Variants in IL23R observed in about 807,000 individuals in gnomAD.
IL23R encodes the protein interleukin-23 receptor.
IL23R carries 34 observed loss-of-function variants against 56.9 expected under a neutral mutation model. The ratio of observed to expected loss-of-function variants is 0.60; its 90% CI spans 0.45 to 0.80. The LOEUF (loss-of-function observed/expected upper bound fraction) is 0.80. IL23R is among the 30% of genes least tolerant of loss of function. IL23R has a pLI of 0.00. For synonymous variants in IL23R, 230 were observed against 249.2 expected, an observed-to-expected ratio of 0.92 and a Z score of 0.73; for missense variants, 635 against 730.0, an observed-to-expected ratio of 0.87 and a Z score of 1.50.
At chr1:67,206,823 A>G (rs1009407277) in intron 5 of IL23R, 87 bp from the exon 6 acceptor site, 2 of 1,323,238 alleles carry the variant, frequency 1.5e-6, no homozygotes, top group Non-Finnish European at 2.1e-6. Flanking sequence ...GAGCTTTCTC[A>G]TATCTAGATA....
chr1:67,206,354 A>T (rs541391851), intron 5 of IL23R, among the ~76,000 whole-genome samples: 23 of 152,034 alleles, frequency 1.5e-4, no homozygotes, highest in African/African-American at 5.5e-4. Flanking sequence ...TCTGTCGTCC[A>T]GGGTGGAGTA....
chr1:67,196,609 T>C (rs1389831450), intron 4 of IL23R, among the ~76,000 whole-genome samples: 4 of 152,184 alleles, frequency 2.6e-5, no homozygotes, highest in Admixed American at 2.0e-4. Context: ...TCAAGGTTAC[T>C]TTCCTTCTAA....
intron 4 of IL23R, 110 bp downstream of exon 4, chr1:67,183,069 T>G: frequency 1.7e-6 from 2 of 1,204,692 alleles, no homozygotes; most frequent in East Asian, 5.0e-5. Flanking sequence ...ATATATACCC[T>G]GATTTATCCC....
At chr1:67,262,031 T>C (rs531451297), downstream of IL23R, among the ~76,000 whole-genome samples, 2 of 152,338 alleles carry the variant, frequency 1.3e-5, no homozygotes, top group Non-Finnish European at 2.9e-5. Context: ...ATGGGAGCAA[T>C]GTACCTGCCT....
At chr1:67,213,048 A>AT (rs971942781) in intron 6 of IL23R, among the ~76,000 whole-genome samples, 5 of 151,430 alleles carry the variant, frequency 3.3e-5, no homozygotes, top group African/African-American at 4.9e-5. Flanking sequence ...TTCTTTTTGT[A>AT]TTTTTAGTAG....
At chr1:67,228,017 TCTTC>T (rs1558254069) in intron 7 of IL23R, among the ~76,000 whole-genome samples, 1,309 of 103,984 alleles carry the variant, frequency 0.013, 156 homozygotes, top group African/African-American at 0.017. Flanking sequence ...TTTCTTTCTT[TCTTC>T]CTTTCTTTCT....
intron 1 of IL23R, among the ~76,000 whole-genome samples, chr1:67,155,462 C>T (rs1244565432): frequency 6.6e-6 from 1 of 152,160 alleles, no homozygotes; most frequent in Non-Finnish European, 1.5e-5. Context: ...TACATAGTCC[C>T]ATATTTTTTG....
At chr1:67,234,641 T>A (rs1443634428) in intron 7 of IL23R, among the ~76,000 whole-genome samples, 1 of 151,766 alleles carries the variant, frequency 6.6e-6, no homozygotes, top group Non-Finnish European at 1.5e-5. Flanking sequence ...TACAGCAGCA[T>A]ATGCTATAAG....
At chr1:67,218,653 G>A (rs1650033276) in intron 6 of IL23R, among the ~76,000 whole-genome samples, 1 of 150,410 alleles carries the variant, frequency 6.6e-6, no homozygotes, top group South Asian at 2.1e-4. Context: ...GCTGGGTATG[G>A]TGGCTCACTC....
At chr1:67,166,838 G>T (rs1350862208) in intron 1 of IL23R, among the ~76,000 whole-genome samples, 2 of 152,072 alleles carry the variant, frequency 1.3e-5, no homozygotes, top group African/African-American at 2.4e-5. Flanking sequence ...TGAGCCAAGG[G>T]GACCCCAGTT....
chr1:67,246,743 A>G (rs150031391), intron 9 of IL23R, among the ~76,000 whole-genome samples: 195 of 152,274 alleles, frequency 1.3e-3, no homozygotes, highest in African/African-American at 4.4e-3. Context: ...TATGTGATCA[A>G]TTTTAGAGTA....
At chr1:67,173,917 C>T (rs1490864630) in intron 3 of IL23R, among the ~76,000 whole-genome samples, 7 of 152,088 alleles carry the variant, frequency 4.6e-5, no homozygotes, top group African/African-American at 1.7e-4. Context: ...CATTTTGCAA[C>T]CTGCTTTTTT....
intron 3 of IL23R, among the ~76,000 whole-genome samples, chr1:67,176,280 T>C (rs995358073): frequency 2.0e-5 from 3 of 151,998 alleles, no homozygotes; most frequent in African/African-American, 4.8e-5. Context: ...TAGGATAATA[T>C]AGTCAAGTAT....
At chr1:67,173,956 A>G (rs116491582) in intron 3 of IL23R, among the ~76,000 whole-genome samples, 3,214 of 152,206 alleles carry the variant, frequency 0.021, 101 homozygotes, top group African/African-American at 0.073. Context: ...TGACTTCACT[A>G]CATATACTTT....
intron 10 of IL23R, among the ~76,000 whole-genome samples, chr1:67,257,764 C>G (rs918029678): frequency 2.0e-5 from 3 of 152,188 alleles, no homozygotes; most frequent in African/African-American, 7.2e-5. Context: ...AGTGCAGTGG[C>G]ATGATCTCAG....
chr1:67,209,161 A>G (rs556960942), intron 6 of IL23R, among the ~76,000 whole-genome samples: 2 of 152,286 alleles, frequency 1.3e-5, no homozygotes, highest in African/African-American at 4.8e-5. Context: ...CTAGGAAGTA[A>G]CTAACTTGCT....
chr1:67,208,244 A>C (rs1649218669), intron 6 of IL23R, among the ~76,000 whole-genome samples: 1 of 152,202 alleles, frequency 6.6e-6, no homozygotes, highest in Non-Finnish European at 1.5e-5. Flanking sequence ...TTGTGGCCTG[A>C]CTATGCAATA....
chr1:67,205,146 G>C (rs917973814), intron 5 of IL23R, among the ~76,000 whole-genome samples: 2 of 152,288 alleles, frequency 1.3e-5, no homozygotes, highest in Non-Finnish European at 2.9e-5. Context: ...GAATTCAGAT[G>C]ATAAAGGTTG....
chr1:67,240,867 T>C (rs6588251), intron 9 of IL23R, among the ~76,000 whole-genome samples: 116,554 of 152,212 alleles, frequency 0.77, 45,262 homozygotes, highest in African/African-American at 0.87. Flanking sequence ...ACATAGAAAT[T>C]GGCAGTGAGG....
Sources: gnomAD v4.1 joint callset for allele counts (sites outside exome capture counted in the v4.1 genomes callset) on GRCh38, gnomAD v4.1.1 for gene constraint, MANE v1.5 for transcripts, NCBI Gene and HGNC (gene_info 2026-07-23, HGNC 2026-07-21) for gene names.